LIN52: variants seen among roughly 807,000 people sequenced by gnomAD.
LIN52 encodes the protein protein lin-52 homolog.
LIN52 carries 4 observed loss-of-function variants against 18.5 expected under a neutral mutation model. That is an observed-to-expected ratio of 0.22 (90% CI 0.11 to 0.49). The LOEUF (loss-of-function observed/expected upper bound fraction) is 0.49, where lower values mean the gene tolerates loss of function less well. LIN52 is among the 20% of genes least tolerant of loss of function. The pLI is 0.97. For missense variants in LIN52, 102 were observed against 139.5 expected, an observed-to-expected ratio of 0.73 and a Z score of 1.35; for synonymous variants, 34 against 45.5, an observed-to-expected ratio of 0.75 and a Z score of 1.02.
chr14:74,127,690 G>A lies in LIN52; in HGVS notation c.283+26452G>A, dbSNP rs540215930. Among the ~76,000 whole-genome samples, 5 of 152,304 alleles carry A rather than the reference G, an allele frequency of 3.3e-5. No homozygotes were observed. In the East Asian group the frequency reaches 7.7e-4, roughly 23 times the overall value. The stretch of plus-strand genomic sequence containing the variant: ...AACTAGGGTACTGGTAGTGGACATG[G>A]AGAGAAGTAGTTAATTTGAGAATGA... On this transcript the variant is annotated intron_variant, in intron 5 of 5. Transcript: ENST00000555028.
At chr14:74,098,142 C>A (rs1187981960) in intron 4 of LIN52, among the ~76,000 whole-genome samples, 3 of 152,180 alleles carry the variant, frequency 2.0e-5, no homozygotes, top group South Asian at 2.1e-4. Flanking sequence ...ATAGCTCTAA[C>A]ATAAATTTTT....
At position 74,111,508 on chromosome 14, in the gene LIN52, C is replaced by T. The variant is rs569092597; in HGVS notation, c.283+10270C>T. On this transcript the variant is annotated intron_variant, in intron 5 of 5. Transcript: ENST00000555028. ...GTAGAGATGGGGTCTCCCTGTGTTG[C>T]CCAGGCTGGCCACATCCTCCTAGGC... 1.2e-4 allele frequency among the ~76,000 whole-genome samples: 18 copies of T among 151,480 alleles called. 1 individual carries two copies. The East Asian group carries it at 2.5e-3, about 21-fold the overall frequency.
intron 5 of LIN52, among the ~76,000 whole-genome samples, chr14:74,105,509 T>C (rs2060891526): frequency 6.6e-6 from 1 of 152,218 alleles, no homozygotes. Flanking sequence ...TACATTGATG[T>C]GTATTGAACT....
intron 5 of LIN52, among the ~76,000 whole-genome samples, chr14:74,146,299 G>A (rs1461283965): frequency 1.3e-5 from 2 of 152,076 alleles, no homozygotes; most frequent in Non-Finnish European, 2.9e-5. Flanking sequence ...TCATATATCT[G>A]TGCCAACCAT....
intron 1 of LIN52, among the ~76,000 whole-genome samples, chr14:74,086,548 G>T (rs183082936): frequency 7.2e-5 from 11 of 152,160 alleles, no homozygotes; most frequent in Admixed American, 6.5e-4. Flanking sequence ...CAGCTACTTG[G>T]GGGGGCTGAG....
In LIN52 at chr14:74,193,936, G is replaced by A. The variant is rs773981741; in HGVS notation, c.284-4986G>A. Among the ~76,000 whole-genome samples, 29 of 152,126 alleles carry A rather than the reference G, an allele frequency of 1.9e-4. 1 individual carries two copies. The highest frequency in any genetic ancestry group is 7.9e-4 in the Admixed American group (12 of 15,276). On this transcript the variant is annotated intron_variant, in intron 5 of 5. Transcript: ENST00000555028. ...TCACAAACATTTTTAATTATGTTGA[G>A]GCATAGAAATATTTAAAGTAGTTTG...
At chr14:74,094,260 T>TG (rs1208551160) in intron 2 of LIN52, among the ~76,000 whole-genome samples, 1 of 147,448 alleles carries the variant, frequency 6.8e-6, no homozygotes, top group Non-Finnish European at 1.5e-5. Context: ...ACTTTGTAGT[T>TG]TTTTTTTTTT....
chr14:74,137,498 C>CTCTTTTTTTTTT lies in LIN52; in HGVS notation c.283+36261_283+36262insCTTTTTTTTTTT, dbSNP rs776969152. On this transcript the variant is annotated intron_variant, in intron 5 of 5. Coordinates refer to ENST00000555028, the MANE Select transcript of LIN52 (RefSeq NM_001024674.3). ...GCACTAAATTCTTCACAGCAGCTCT[C>CTCTTTTTTTTTT]TTTTTTTTTTTTTTTTTTGAGATGG... Among the ~76,000 whole-genome samples the CTCTTTTTTTTTT allele has an allele frequency of 7.3e-4, 81 of 111,598 alleles. 1 individual carries two copies. The highest frequency in any genetic ancestry group is 2.9e-3 in the African/African-American group (79 of 26,870). 73.2% of individuals were successfully genotyped at this position (111,598 alleles called of 152,430 possible). A position where few individuals can be genotyped will look rare whatever the true frequency, so the allele number is the denominator to read the frequency against.
chr14:74,093,376 C>T (rs2060786179), intron 2 of LIN52, among the ~76,000 whole-genome samples: 1 of 134,328 alleles, frequency 7.4e-6, no homozygotes, highest in Non-Finnish European at 1.5e-5. Flanking sequence ...CCAGGCTGTG[C>T]AGTATAATGG....
chr14:74,128,588 T>G (rs2061041155), intron 5 of LIN52, among the ~76,000 whole-genome samples: 1 of 152,202 alleles, frequency 6.6e-6, no homozygotes. Flanking sequence ...CATACCAAAC[T>G]ATACACTTCA....
At chr14:74,147,257 TCAAA>T (rs533097479) in intron 5 of LIN52, among the ~76,000 whole-genome samples, 2 of 151,982 alleles carry the variant, frequency 1.3e-5, no homozygotes, top group African/African-American at 2.4e-5. Flanking sequence ...AAACTTCATC[TCAAA>T]CAAACAAAAT....
At chr14:74,126,860 A>G (rs1279681563) in intron 5 of LIN52, among the ~76,000 whole-genome samples, 1 of 152,254 alleles carries the variant, frequency 6.6e-6, no homozygotes, top group Non-Finnish European at 1.5e-5. Context: ...ACTGAATTGT[A>G]TACTTCAAAA....
At chr14:74,085,802 A>C (rs1297161128) in intron 1 of LIN52, among the ~76,000 whole-genome samples, 1 of 152,130 alleles carries the variant, frequency 6.6e-6, no homozygotes, top group Non-Finnish European at 1.5e-5. Flanking sequence ...TTTTAGTTCT[A>C]CCATCCTCAT....
At chr14:74,117,853 G>T (rs2060974250) in intron 5 of LIN52, among the ~76,000 whole-genome samples, 4 of 152,134 alleles carry the variant, frequency 2.6e-5, no homozygotes, top group Admixed American at 2.6e-4. Flanking sequence ...AATGACTTTG[G>T]CATATGTATA....
Position 74,136,103 on chromosome 14 carries a change from GCAAA to G in LIN52, c.283+34870_283+34873del, listed in dbSNP as rs550051494. Reference sequence around the variant, plus strand: ...TGTATCACTTGCTATGTCCAATGTAGCAAACAAATACAATAATCTAAAATTAACC... The same window carrying G: ...TGTATCACTTGCTATGTCCAATGTAGCAAATACAATAATCTAAAATTAACC... On this transcript the variant is annotated intron_variant, in intron 5 of 5. Coordinates refer to ENST00000555028, the MANE Select transcript of LIN52 (RefSeq NM_001024674.3). 6.3e-3 allele frequency among the ~76,000 whole-genome samples: 963 copies of G among 152,256 alleles called. 6 individuals are homozygous for G. Among genetic ancestry groups the G allele is most frequent in the Non-Finnish European group, 0.01 (683 of 68,016 alleles).
chr14:74,098,290 G>A (rs962424511), intron 4 of LIN52, among the ~76,000 whole-genome samples: 1 of 152,008 alleles, frequency 6.6e-6, no homozygotes, highest in Non-Finnish European at 1.5e-5. Context: ...AGGCCGAGGT[G>A]GGTGGATCAC....
intron 5 of LIN52, among the ~76,000 whole-genome samples, chr14:74,110,979 A>AC (rs1366359759): frequency 6.6e-6 from 1 of 152,128 alleles, no homozygotes; most frequent in African/African-American, 2.4e-5. Flanking sequence ...AAAAAAAAAA[A>AC]GATTAAGATG....
At chr14:74,146,529 C>T (rs2061153133) in intron 5 of LIN52, among the ~76,000 whole-genome samples, 1 of 152,098 alleles carries the variant, frequency 6.6e-6, no homozygotes, top group African/African-American at 2.4e-5. Context: ...TCCTGTGTTA[C>T]ATTGACTTTC....
rs142731763 is a variant in LIN52, at chr14:74,102,112, T to C, written c.283+874T>C. Among the ~76,000 whole-genome samples the C allele has an allele frequency of 3.5e-3, 538 of 152,206 alleles. 4 individuals carry two copies. Among genetic ancestry groups the C allele is most frequent in the African/African-American group, 0.012 (511 of 41,518 alleles). On this transcript the variant is annotated intron_variant, in intron 5 of 5. Coordinates refer to ENST00000555028, the MANE Select transcript of LIN52 (RefSeq NM_001024674.3). ...TAAATTTAAGGCTGGCCACAGTGGC[T>C]CATGCCTATAATCCCAGCTAGTTGG...
Sources: gnomAD v4.1 joint callset for allele counts (sites outside exome capture counted in the v4.1 genomes callset) on GRCh38, gnomAD v4.1.1 for gene constraint, MANE v1.5 for transcripts, NCBI Gene and HGNC (gene_info 2026-07-23, HGNC 2026-07-21) for gene names.